Variants in TNS3 observed in about 807,000 individuals in gnomAD.
The protein encoded by TNS3 is tensin-3.
In TNS3, 45 loss-of-function variants were observed where a neutral mutation model predicts 140.9. The observed-to-expected ratio is 0.32, with a 90% CI of 0.25 to 0.41. The LOEUF is 0.41. Among genes scored for constraint, TNS3 ranks in the 10% least tolerant of loss-of-function variants. The probability of loss-of-function intolerance (pLI) is 1.00; values close to 1 mark genes in which losing one functional copy is unlikely to be tolerated. For missense variants in TNS3, 1,716 were observed against 1,906.7 expected (o/e 0.90, Z 1.86); for synonymous variants, 815 against 788.4 (o/e 1.03, Z -0.56).
intron 1 of TNS3, among the ~76,000 whole-genome samples, chr7:47,569,158 G>T (rs1164411245): frequency 6.6e-6 from 1 of 152,162 alleles, no homozygotes; most frequent in Non-Finnish European, 1.5e-5. Context: ...GGGGGTCTCA[G>T]CACAAAGCAA....
intron 17 of TNS3, among the ~76,000 whole-genome samples, chr7:47,349,696 G>A (rs1789552393): frequency 6.6e-6 from 1 of 152,200 alleles, no homozygotes; most frequent in Admixed American, 6.5e-5. Context: ...CTCTCGGACT[G>A]CAAACCTTGG....
intron 3 of TNS3, among the ~76,000 whole-genome samples, chr7:47,489,903 G>A (rs1797749099): frequency 6.6e-6 from 1 of 152,168 alleles, no homozygotes; most frequent in Non-Finnish European, 1.5e-5. Context: ...TCATGGTGCA[G>A]CCGAGGCCCG....
At chr7:47,348,409 C>G (rs940494578) in intron 17 of TNS3, among the ~76,000 whole-genome samples, 1 of 152,208 alleles carries the variant, frequency 6.6e-6, no homozygotes, top group Non-Finnish European at 1.5e-5. Context: ...TTACAGTCCA[C>G]TCACTGCCTA....
At chr7:47,437,956 C>T (rs916550324) in intron 6 of TNS3, among the ~76,000 whole-genome samples, 3 of 151,102 alleles carry the variant, frequency 2.0e-5, no homozygotes, top group African/African-American at 4.9e-5. Flanking sequence ...AGTTCATGCC[C>T]GGCCAAAAGC....
intron 8 of TNS3, among the ~76,000 whole-genome samples, chr7:47,430,096 A>G (rs1209270057): frequency 6.6e-6 from 1 of 151,884 alleles, no homozygotes; most frequent in African/African-American, 2.4e-5. Flanking sequence ...TTATGGATGT[A>G]TAAAGCAAGT....
At chr7:47,497,609 G>A (rs1051952966) in intron 3 of TNS3, among the ~76,000 whole-genome samples, 1 of 151,556 alleles carries the variant, frequency 6.6e-6, no homozygotes, top group South Asian at 2.1e-4. Context: ...TTCTCCCAAA[G>A]AGGCCAGGCA....
intron 4 of TNS3, among the ~76,000 whole-genome samples, chr7:47,477,114 G>A (rs1298445434): frequency 6.6e-6 from 1 of 152,202 alleles, no homozygotes; most frequent in Admixed American, 6.5e-5. Context: ...ATGTCATTAA[G>A]ATGACAGACA....
chr7:47,532,372 C>G (rs1457673509), intron 1 of TNS3, among the ~76,000 whole-genome samples: 1 of 152,152 alleles, frequency 6.6e-6, no homozygotes, highest in Non-Finnish European at 1.5e-5. Context: ...GCACTTCCTC[C>G]CCTCCAAGGG....
At chr7:47,555,807 T>G (rs1800179740) in intron 1 of TNS3, among the ~76,000 whole-genome samples, 1 of 152,270 alleles carries the variant, frequency 6.6e-6, no homozygotes, top group Non-Finnish European at 1.5e-5. Context: ...TTAATATAAC[T>G]ACAGCTTAGT....
At chr7:47,288,674 A>T (rs1278805580) in intron 27 of TNS3, among the ~76,000 whole-genome samples, 1 of 152,090 alleles carries the variant, frequency 6.6e-6, no homozygotes, top group African/African-American at 2.4e-5. Context: ...CCTAAAACAG[A>T]TTTAGGGGCT....
chr7:47,439,493 G>A lies in TNS3; in HGVS notation c.144C>T (p.Asn48=). Residue 48 remains asparagine (N), a synonymous_variant, in exon 6 of 31, where the codon AAC becomes AAT. Coordinates refer to ENST00000311160, the MANE Select transcript of TNS3 (RefSeq NM_022748.12). ...AGAGCCGCCCACCGCTCACCAGGTAGTTGTCCCCGTGCTTGGACTTGAGCA... is the reference window on the plus strand; with the variant it reads ...AGAGCCGCCCACCGCTCACCAGGTAATTGTCCCCGTGCTTGGACTTGAGCA... The part of the protein sequence containing the change: ...TRMLKSKHGD[N]YLVLNLSEKR... 1.9e-6 allele frequency: 3 copies of A among 1,613,754 alleles called. No individual in the cohort carries two copies. Among genetic ancestry groups the A allele is most frequent in the Non-Finnish European group, 2.5e-6 (3 of 1,179,830 alleles).
intron 1 of TNS3, chr7:47,539,445 C>T (rs749528146): frequency 1.7e-5 from 5 of 290,702 alleles, no homozygotes; most frequent in South Asian, 3.6e-5. Flanking sequence ...AAGGCGAATC[C>T]GCATTCATCA....
intron 1 of TNS3, among the ~76,000 whole-genome samples, chr7:47,551,917 G>A (rs1173918470): frequency 1.3e-5 from 2 of 152,084 alleles, no homozygotes; most frequent in Non-Finnish European, 2.9e-5. Flanking sequence ...TGGAGAGGGA[G>A]GCTACAAAAC....
At chr7:47,502,776 G>T (rs1798274110) in intron 3 of TNS3, among the ~76,000 whole-genome samples, 2 of 152,254 alleles carry the variant, frequency 1.3e-5, no homozygotes, top group African/African-American at 2.4e-5. Flanking sequence ...ACCTGCAGGA[G>T]CCAAGAGGCT....
Position 47,385,734 on chromosome 7 carries a change from A to G in TNS3, c.1024+11066T>C, listed in dbSNP as rs114489633. Reference sequence around the variant, plus strand: ...GATGGTTTCCTCGCAGCCTCTTCCCACCCTCAGGAAAGCACCCATAGTGCC... The same window carrying G: ...GATGGTTTCCTCGCAGCCTCTTCCCGCCCTCAGGAAAGCACCCATAGTGCC... On this transcript the variant is annotated intron_variant, in intron 16 of 30. Coordinates refer to ENST00000311160, the MANE Select transcript of TNS3 (RefSeq NM_022748.12). 6.6e-3 allele frequency among the ~76,000 whole-genome samples: 1,009 copies of G among 152,144 alleles called. 17 individuals are homozygous for G. The highest frequency in any genetic ancestry group is 0.023 in the African/African-American group (967 of 41,498).
chr7:47,519,816 CTTTTTTTTT>C (rs34418629), intron 2 of TNS3, among the ~76,000 whole-genome samples: 2 of 74,824 alleles, frequency 2.7e-5, no homozygotes, highest in Non-Finnish European at 4.6e-5. Flanking sequence ...CCTCACATTT[CTTTTTTTTT>C]TTTTTTTTTT....
chr7:47,375,418 T>C (rs1791321836), intron 16 of TNS3, among the ~76,000 whole-genome samples: 1 of 152,210 alleles, frequency 6.6e-6, no homozygotes. Flanking sequence ...TTTCACTGCA[T>C]GACATACCAG....
At chr7:47,581,026 C>A (rs1484896919) in intron 1 of TNS3, among the ~76,000 whole-genome samples, 1 of 152,178 alleles carries the variant, frequency 6.6e-6, no homozygotes. Flanking sequence ...CAGTAGTGCT[C>A]TCTGCTGGCC....
chr7:47,530,838 A>AAATATATATATATATATATATAT, intron 1 of TNS3, among the ~76,000 whole-genome samples: 1 of 54,564 alleles, frequency 1.8e-5, no homozygotes. Context: ...AAAAAAAAAA[A>AAATATATATATATATATATATAT]ATATATATAT....
Sources: gnomAD v4.1 joint callset for allele counts (sites outside exome capture counted in the v4.1 genomes callset) on GRCh38, gnomAD v4.1.1 for gene constraint, MANE v1.5 for transcripts, NCBI Gene and HGNC (gene_info 2026-07-23, HGNC 2026-07-21) for gene names.